RNGTT: variants seen among roughly 807,000 people sequenced by gnomAD.
The protein encoded by RNGTT is mRNA-capping enzyme.
RNGTT carries 33 observed loss-of-function variants against 79.3 expected under a neutral mutation model. The ratio of observed to expected loss-of-function variants is 0.42; its 90% CI spans 0.32 to 0.56. The LOEUF is 0.56. Ranked by LOEUF, RNGTT falls within the 20% of genes least tolerant of loss-of-function variation. The pLI, the probability that RNGTT is intolerant of heterozygous loss-of-function variation, is 0.17. For missense variants in RNGTT, 497 were observed against 739.1 expected, an observed-to-expected ratio of 0.67 and a Z score of 3.80; for synonymous variants, 222 against 235.9, an observed-to-expected ratio of 0.94 and a Z score of 0.54.
intron 4 of RNGTT, among the ~76,000 whole-genome samples, chr6:88,926,238 T>A (rs1475933327): frequency 6.6e-6 from 1 of 152,204 alleles, no homozygotes; most frequent in Non-Finnish European, 1.5e-5. Context: ...TAAAAACATC[T>A]CCTTTACCAC....
chr6:88,620,472 T>A (rs1453305856), intron 14 of RNGTT, among the ~76,000 whole-genome samples: 1 of 152,216 alleles, frequency 6.6e-6, no homozygotes, highest in Non-Finnish European at 1.5e-5. Context: ...AGAAGTGACT[T>A]TTATTTTCTT....
intron 13 of RNGTT, among the ~76,000 whole-genome samples, chr6:88,734,515 T>C (rs543215745): frequency 2.0e-5 from 3 of 152,174 alleles, no homozygotes; most frequent in Admixed American, 6.5e-5. Context: ...ACATATTAAT[T>C]AAAAAACAGA....
intron 13 of RNGTT, among the ~76,000 whole-genome samples, chr6:88,708,353 A>G (rs1582363086): frequency 6.6e-6 from 1 of 152,148 alleles, no homozygotes; most frequent in African/African-American, 2.4e-5. Flanking sequence ...CTCACTGACC[A>G]TTGTCCCAAG....
intron 14 of RNGTT, among the ~76,000 whole-genome samples, chr6:88,617,885 G>C (rs11963949): frequency 0.03 from 4,537 of 151,242 alleles, 223 homozygotes; most frequent in African/African-American, 0.1. Context: ...AAAAACCTTA[G>C]AAGTAAATTT....
chr6:88,774,302 G>GAAAA (rs34763553), intron 12 of RNGTT, among the ~76,000 whole-genome samples: 9 of 150,218 alleles, frequency 6.0e-5, no homozygotes, highest in African/African-American at 2.2e-4. Flanking sequence ...CTATAATTTA[G>GAAAA]AAAAAAAAAC....
At chr6:88,759,732 C>T (rs1366925070) in intron 13 of RNGTT, among the ~76,000 whole-genome samples, 1 of 152,106 alleles carries the variant, frequency 6.6e-6, no homozygotes, top group Non-Finnish European at 1.5e-5. Context: ...TTTGGCGTTT[C>T]ACAACCATAA....
intron 10 of RNGTT, among the ~76,000 whole-genome samples, chr6:88,848,335 A>T (rs948805389): frequency 1.1e-4 from 17 of 152,086 alleles, no homozygotes; most frequent in Non-Finnish European, 2.9e-5. Flanking sequence ...TTTTAAAAAC[A>T]CTTCCCAGGT....
intron 12 of RNGTT, among the ~76,000 whole-genome samples, chr6:88,797,559 T>C (rs867009667): frequency 6.6e-6 from 1 of 152,128 alleles, no homozygotes; most frequent in Non-Finnish European, 1.5e-5. Context: ...ATGGACCTTA[T>C]ATATTTGACT....
chr6:88,713,629 CTATATT>C, intron 13 of RNGTT, among the ~76,000 whole-genome samples: 1 of 152,052 alleles, frequency 6.6e-6, no homozygotes, highest in Middle Eastern at 3.4e-3. Flanking sequence ...AGTATATGTA[CTATATT>C]TATGTTTGTT....
intron 1 of RNGTT, among the ~76,000 whole-genome samples, chr6:88,945,490 C>T (rs1330748621): frequency 6.6e-6 from 1 of 152,166 alleles, no homozygotes; most frequent in African/African-American, 2.4e-5. Context: ...ACCCACCTAA[C>T]ACCTCCATCA....
intron 4 of RNGTT, among the ~76,000 whole-genome samples, chr6:88,928,343 T>C (rs1209282808): frequency 2.6e-5 from 4 of 152,190 alleles, no homozygotes; most frequent in Non-Finnish European, 5.9e-5. Context: ...AACTCAAAAG[T>C]CATTTTCAGT....
chr6:88,735,416 G>C (rs979258756), intron 13 of RNGTT, among the ~76,000 whole-genome samples: 14 of 151,902 alleles, frequency 9.2e-5, no homozygotes, highest in African/African-American at 3.4e-4. Flanking sequence ...CTAAAAGACA[G>C]ACACATTCTG....
intron 6 of RNGTT, among the ~76,000 whole-genome samples, chr6:88,897,593 C>CT (rs980573438): frequency 2.0e-5 from 3 of 152,058 alleles, no homozygotes; most frequent in Admixed American, 6.6e-5. Context: ...CCTTCTGCTC[C>CT]TTTTTTTATC....
At position 88,689,321 on chromosome 6, in the gene RNGTT, C is replaced by G. The variant is rs140390459; in HGVS notation, c.1440-10902G>C. The stretch of plus-strand genomic sequence containing the variant: ...ATTTTTTAAAAAGTCTATACCAGGC[C>G]AGGTGTGGTGGCTCACACCTATAAT... On this transcript the variant is annotated intron_variant, in intron 13 of 15. Coordinates refer to ENST00000369485, the MANE Select transcript of RNGTT (RefSeq NM_003800.5). 6.3e-3 allele frequency among the ~76,000 whole-genome samples: 957 copies of G among 152,138 alleles called. 5 individuals are homozygous for G. The highest frequency in any genetic ancestry group is 0.017 in the Middle Eastern group (5 of 294).
chr6:88,862,533 A>C (rs1044797906), intron 8 of RNGTT, among the ~76,000 whole-genome samples: 4 of 152,158 alleles, frequency 2.6e-5, no homozygotes, highest in Non-Finnish European at 5.9e-5. Context: ...TAAACCAGTA[A>C]ACGTAAGTTT....
intron 13 of RNGTT, among the ~76,000 whole-genome samples, chr6:88,765,750 CTATATATACCAG>C (rs1421863727): frequency 6.6e-6 from 1 of 152,102 alleles, no homozygotes; most frequent in Non-Finnish European, 1.5e-5. Flanking sequence ...CCACTATATG[CTATATATACCAG>C]TATATATACT....
chr6:88,778,555 C>T (rs1203012820), intron 12 of RNGTT, among the ~76,000 whole-genome samples: 1 of 152,168 alleles, frequency 6.6e-6, no homozygotes, highest in Admixed American at 6.5e-5. Context: ...TTCACAGGTG[C>T]AGTCACAGCA....
At chr6:88,692,527 C>G (rs1775519486) in intron 13 of RNGTT, among the ~76,000 whole-genome samples, 1 of 151,260 alleles carries the variant, frequency 6.6e-6, no homozygotes, top group Non-Finnish European at 1.5e-5. Context: ...GACACACTAC[C>G]TCAATAAAAC....
chr6:88,817,490 TAAAAA>T (rs11354100), intron 11 of RNGTT, among the ~76,000 whole-genome samples: 5 of 44,562 alleles, frequency 1.1e-4, no homozygotes, highest in Admixed American at 3.2e-4. Context: ...AAAAAATAAG[TAAAAA>T]AAAAAAAAAA....
Sources: allele counts gnomAD v4.1 joint callset (sites outside exome capture counted in the v4.1 genomes callset), GRCh38; gene constraint gnomAD v4.1.1; transcripts MANE v1.5; gene names NCBI Gene and HGNC (gene_info 2026-07-23, HGNC 2026-07-21).